Variants in RBPMS observed in about 807,000 individuals in gnomAD.
RBPMS encodes the protein RNA binding protein, mRNA processing factor, also known as RNA-binding protein with multiple splicing.
A neutral mutation model predicts 26.8 loss-of-function variants in RBPMS; 7 were observed. That is an observed-to-expected ratio of 0.26 (90% CI 0.15 to 0.49). The LOEUF is 0.49. RBPMS is among the 20% of genes least tolerant of loss of function. The pLI is 0.98. For missense variants in RBPMS, 186 were observed against 250.0 expected (o/e 0.74, Z 1.73); for synonymous variants, 96 against 93.3 (o/e 1.03, Z -0.17).
At chr8:30,500,687 CTA>C (rs747248042) in intron 4 of RBPMS, among the ~76,000 whole-genome samples, 14 of 152,146 alleles carry the variant, frequency 9.2e-5, no homozygotes, top group Non-Finnish European at 1.9e-4. Flanking sequence ...TTCTGTGTCT[CTA>C]TATAGGCTCA....
At chr8:30,502,878 A>G (rs1158132606) in intron 4 of RBPMS, among the ~76,000 whole-genome samples, 1 of 152,214 alleles carries the variant, frequency 6.6e-6, no homozygotes, top group East Asian at 1.9e-4. Flanking sequence ...AAAAACAAAA[A>G]TACAACACAA....
chr8:30,520,826 G>T (rs1424735331), intron 5 of RBPMS, among the ~76,000 whole-genome samples: 2 of 151,792 alleles, frequency 1.3e-5, no homozygotes, highest in East Asian at 1.9e-4. Flanking sequence ...AAAGGAAATA[G>T]ATTTTTTTTT....
chr8:30,544,641 G>A lies in RBPMS; in HGVS notation c.528+17G>A, dbSNP rs766578325. The A allele has an allele frequency of 1.4e-5, 22 of 1,613,250 alleles. No homozygotes were observed. Among genetic ancestry groups the A allele is most frequent in the Admixed American group, 1.0e-4 (6 of 59,972 alleles). ...CATGCCCAGGTAATTGATACCCATC[G>A]GCCAGGACTTCACTCACTTCACCAC... On this transcript the variant is annotated intron_variant, in intron 6 of 8. Coordinates refer to ENST00000397323, the MANE Select transcript of RBPMS (RefSeq NM_001008710.3).
intron 1 of RBPMS, among the ~76,000 whole-genome samples, chr8:30,421,948 C>CT (rs1460470051): frequency 4.8e-5 from 4 of 82,902 alleles, no homozygotes; most frequent in East Asian, 7.9e-4. Context: ...TAGCGAGACT[C>CT]TGTCTCAAAA....
intron 1 of RBPMS, among the ~76,000 whole-genome samples, chr8:30,425,700 C>T (rs1316698618): frequency 2.0e-5 from 3 of 151,986 alleles, no homozygotes; most frequent in Non-Finnish European, 4.4e-5. Context: ...GAGCCCGGCC[C>T]GGTGGCTTTT....
chr8:30,546,595 G>A (rs1024005724), intron 6 of RBPMS, among the ~76,000 whole-genome samples: 3 of 152,160 alleles, frequency 2.0e-5, no homozygotes, highest in Non-Finnish European at 2.9e-5. Flanking sequence ...TCCCCTGGGA[G>A]TTCTTCCTTG....
intron 1 of RBPMS, among the ~76,000 whole-genome samples, chr8:30,443,038 A>G (rs2979475): frequency 1.8e-3 from 268 of 152,322 alleles, no homozygotes; most frequent in African/African-American, 6.2e-3. Flanking sequence ...CAGTGGAGCA[A>G]TGAAAGCACG....
chr8:30,503,979 A>G (rs1199934293), intron 4 of RBPMS, among the ~76,000 whole-genome samples: 1 of 152,200 alleles, frequency 6.6e-6, no homozygotes, highest in Non-Finnish European at 1.5e-5. Context: ...ATTACTATAT[A>G]TTAAAGTGTG....
intron 1 of RBPMS, chr8:30,446,795 T>TTTGTG (rs1491178163): frequency 1.8e-5 from 2 of 112,434 alleles, no homozygotes; most frequent in African/African-American, 6.8e-5. Context: ...CACACATGGC[T>TTTGTG]TGTGTGTGTG....
intron 1 of RBPMS, among the ~76,000 whole-genome samples, chr8:30,426,115 C>T (rs772045947): frequency 3.9e-5 from 6 of 152,298 alleles, no homozygotes; most frequent in Non-Finnish European, 7.4e-5. Context: ...TGAAATCTGG[C>T]AGTGCCGGTG....
chr8:30,393,241 C>CA (rs1808000223), intron 1 of RBPMS, among the ~76,000 whole-genome samples: 1 of 147,052 alleles, frequency 6.8e-6, no homozygotes, highest in African/African-American at 2.5e-5. Context: ...TTCTCATATG[C>CA]TTTTTTTTTT....
Position 30,469,452 on chromosome 8 carries a change from T to C in RBPMS, c.67-5327T>C, listed in dbSNP as rs1366385378. Among the ~76,000 whole-genome samples the C allele has an allele frequency of 2.6e-5, 4 of 152,362 alleles. No individual in the cohort carries two copies. In the East Asian group the frequency reaches 7.7e-4, roughly 29 times the overall value. Reference sequence around the variant, plus strand: ...GATAATGGCTAAGCCAAGAACACTCTTGCTCTTCTGCCCAGCACAGGATGA... The same window carrying C: ...GATAATGGCTAAGCCAAGAACACTCCTGCTCTTCTGCCCAGCACAGGATGA... On this transcript the variant is annotated intron_variant, in intron 1 of 8. Transcript: ENST00000397323.
intron 1 of RBPMS, among the ~76,000 whole-genome samples, chr8:30,426,556 A>T (rs1811368698): frequency 1.3e-5 from 2 of 152,190 alleles, no homozygotes; most frequent in African/African-American, 4.8e-5. Context: ...AGTTAGGCAA[A>T]CATGACTATC....
At chr8:30,412,515 A>G (rs1341324050) in intron 1 of RBPMS, among the ~76,000 whole-genome samples, 1 of 150,506 alleles carries the variant, frequency 6.6e-6, no homozygotes. Context: ...TACTACATCT[A>G]TTTTTAGCAC....
chr8:30,469,599 A>T (rs1816869503), intron 1 of RBPMS, among the ~76,000 whole-genome samples: 1 of 152,218 alleles, frequency 6.6e-6, no homozygotes, highest in Non-Finnish European at 1.5e-5. Flanking sequence ...TTGAACTTCT[A>T]TGAGGCATGT....
intron 6 of RBPMS, among the ~76,000 whole-genome samples, chr8:30,550,761 C>T (rs1001903253): frequency 2.0e-5 from 3 of 152,228 alleles, no homozygotes; most frequent in African/African-American, 7.2e-5. Flanking sequence ...AGAGGGGCCT[C>T]CCCAAACCAG....
intron 1 of RBPMS, among the ~76,000 whole-genome samples, chr8:30,470,007 C>T (rs1161882121): frequency 1.3e-5 from 2 of 152,144 alleles, no homozygotes; most frequent in African/African-American, 4.8e-5. Context: ...AAAGCCAAAA[C>T]TCTGAAGTGC....
intron 7 of RBPMS, chr8:30,561,920 T>G: frequency 1.0e-6 from 1 of 985,360 alleles, no homozygotes; most frequent in Non-Finnish European, 1.2e-6. Flanking sequence ...CTCACCTAAT[T>G]TTTTTCCAAA....
intron 1 of RBPMS, among the ~76,000 whole-genome samples, chr8:30,463,114 G>A (rs1207074352): frequency 6.6e-6 from 1 of 152,122 alleles, no homozygotes; most frequent in Non-Finnish European, 1.5e-5. Context: ...ACATGAAAAT[G>A]CATCTTTTTT....
Sources: allele counts gnomAD v4.1 joint callset (sites outside exome capture counted in the v4.1 genomes callset), GRCh38; gene constraint gnomAD v4.1.1; transcripts MANE v1.5; gene names NCBI Gene and HGNC (gene_info 2026-07-23, HGNC 2026-07-21).